The following PHACTR3 variants were observed in gnomAD, a reference collection of about 807,000 sequenced individuals.
PHACTR3 encodes the protein phosphatase and actin regulator 3, also known as protein phosphatase 1, regulatory subunit 123.
A neutral mutation model predicts 66.8 loss-of-function variants in PHACTR3; 16 were observed. The ratio of observed to expected loss-of-function variants is 0.24; its 90% confidence interval spans 0.16 to 0.36. PHACTR3 has a LOEUF of 0.36. PHACTR3 is among the 10% of genes least tolerant of loss of function. The pLI, the probability that PHACTR3 is intolerant of heterozygous loss-of-function variation, is 1.00. For missense variants in PHACTR3, 647 were observed against 719.9 expected, an observed-to-expected ratio of 0.90 and a Z score of 1.16; for synonymous variants, 323 against 292.1, an observed-to-expected ratio of 1.11 and a Z score of -1.08.
intron 1 of PHACTR3, among the ~76,000 whole-genome samples, chr20:59,692,420 G>T (rs554773702): frequency 6.6e-6 from 1 of 152,158 alleles, no homozygotes; most frequent in Non-Finnish European, 1.5e-5. Context: ...TTTGACTGTC[G>T]CTTGCCAGGG....
intron 8 of PHACTR3, among the ~76,000 whole-genome samples, chr20:59,825,794 G>A (rs1008712486): frequency 6.6e-6 from 1 of 152,164 alleles, no homozygotes; most frequent in Non-Finnish European, 1.5e-5. Context: ...GCTGTGGTCT[G>A]AATGTTTGTG....
At chr20:59,586,871 G>T (rs909738447) in intron 1 of PHACTR3, among the ~76,000 whole-genome samples, 2 of 152,184 alleles carry the variant, frequency 1.3e-5, no homozygotes, top group African/African-American at 4.8e-5. Flanking sequence ...ACGTGCCCAA[G>T]GTCACAGCTG....
At chr20:59,783,175 T>G (rs1316324796) in intron 7 of PHACTR3, among the ~76,000 whole-genome samples, 1 of 152,140 alleles carries the variant, frequency 6.6e-6, no homozygotes. Flanking sequence ...TGCCTTTTCT[T>G]GAAAGTTGGG....
intron 1 of PHACTR3, among the ~76,000 whole-genome samples, chr20:59,598,563 C>T (rs1311677549): frequency 1.3e-5 from 2 of 152,176 alleles, no homozygotes; most frequent in African/African-American, 4.8e-5. Context: ...ACTCTAGCTA[C>T]CAGTGCCTTT....
chr20:59,755,342 A>G lies in PHACTR3; in HGVS notation c.519A>G (p.Ser173=). Reference sequence around the variant, plus strand: ...TCTCCCTGGACAAGCCACTGTCCTCAGCTGCCCACTTGGACGATGCAGGTA... The same window carrying G: ...TCTCCCTGGACAAGCCACTGTCCTCGGCTGCCCACTTGGACGATGCAGGTA... The part of the protein sequence containing the change: ...DQVSLDKPLS[S]AAHLDDAAKM... Residue 173 remains serine (S), a synonymous_variant, in exon 4 of 13, where the codon TCA becomes TCG. Coordinates refer to ENST00000371015, the MANE Select transcript of PHACTR3 (RefSeq NM_080672.5). 7 of 1,613,650 alleles carry G rather than the reference A, an allele frequency of 4.3e-6. No individual in the cohort carries two copies. Among genetic ancestry groups the G allele is most frequent in the Non-Finnish European group, 5.9e-6 (7 of 1,179,992 alleles).
In PHACTR3 at chr20:59,820,415, C is replaced by G. The variant is rs376618634; in HGVS notation, c.1328+14221C>G. 3.9e-5 allele frequency among the ~76,000 whole-genome samples: 6 copies of G among 152,304 alleles called. No individual in the cohort carries two copies. In the South Asian group the frequency reaches 1.2e-3, roughly 32 times the overall value. On this transcript the variant is annotated intron_variant, in intron 8 of 12. Coordinates refer to ENST00000371015, the MANE Select transcript of PHACTR3 (RefSeq NM_080672.5). This position sits in a 1 kb window ranked among gnomAD's most constrained non-coding sequence, Gnocchi z 4.6. Reference sequence around the variant, plus strand: ...GTGGCTATCATGTATGGATCTTGTACGTTCTGCTTTTAGATGGAGGTAGCT... The same window carrying G: ...GTGGCTATCATGTATGGATCTTGTAGGTTCTGCTTTTAGATGGAGGTAGCT...
intron 8 of PHACTR3, among the ~76,000 whole-genome samples, chr20:59,825,567 A>AT (rs1421610223): frequency 2.0e-5 from 3 of 152,222 alleles, no homozygotes; most frequent in Non-Finnish European, 4.4e-5. Context: ...TACTCAAAAC[A>AT]TAAATAATCA....
intron 8 of PHACTR3, among the ~76,000 whole-genome samples, chr20:59,824,622 C>T (rs2042132834): frequency 6.6e-6 from 1 of 152,194 alleles, no homozygotes; most frequent in Non-Finnish European, 1.5e-5. Context: ...AATGAACATC[C>T]TCATACGTGT....
chr20:59,747,722 GC>G (rs1441959668), intron 2 of PHACTR3, 35 bp from the exon 3 acceptor site: 1 of 1,607,792 alleles, frequency 6.2e-7, no homozygotes, highest in Non-Finnish European at 8.5e-7. Flanking sequence ...TGACACCTTT[GC>G]CTGAGACTCA....
chr20:59,840,171 A>G (rs1259345049), intron 9 of PHACTR3, among the ~76,000 whole-genome samples, 198 bp from the exon 10 acceptor site: 1 of 152,182 alleles, frequency 6.6e-6, no homozygotes, highest in African/African-American at 2.4e-5. Flanking sequence ...TTTGCTTAGT[A>G]CAAGTATTTC....
chr20:59,725,079 G>A (rs140606182), intron 1 of PHACTR3, among the ~76,000 whole-genome samples: 11 of 151,978 alleles, frequency 7.2e-5, no homozygotes, highest in South Asian at 2.1e-4. Flanking sequence ...CAGGTGTGCT[G>A]TGTGCTCAGT....
intron 1 of PHACTR3, among the ~76,000 whole-genome samples, chr20:59,719,434 A>G (rs955087035): frequency 1.3e-5 from 2 of 152,148 alleles, no homozygotes; most frequent in African/African-American, 4.8e-5. Context: ...AAGTGTTGGG[A>G]TTATAGGCAT....
At chr20:59,808,913 C>A (rs189949480) in intron 8 of PHACTR3, among the ~76,000 whole-genome samples, 1 of 152,144 alleles carries the variant, frequency 6.6e-6, no homozygotes, top group South Asian at 2.1e-4. Flanking sequence ...GCATTCCTCC[C>A]GCCTTCCACT....
chr20:59,710,137 G>T (rs557817658), intron 1 of PHACTR3, among the ~76,000 whole-genome samples: 1 of 152,244 alleles, frequency 6.6e-6, no homozygotes, highest in South Asian at 2.1e-4. Flanking sequence ...TTTCTGGAAA[G>T]ATTTATTTAA....
chr20:59,823,501 A>T (rs78506905), intron 8 of PHACTR3, among the ~76,000 whole-genome samples: 8,179 of 152,240 alleles, frequency 0.054, 373 homozygotes, highest in African/African-American at 0.12. Flanking sequence ...ACAATTTTAA[A>T]CCATACAGAT....
chr20:59,723,090 CTTTCTT>C (rs1260089122), intron 1 of PHACTR3, among the ~76,000 whole-genome samples: 1 of 142,730 alleles, frequency 7.0e-6, no homozygotes, highest in East Asian at 2.0e-4. Flanking sequence ...TTCTTTCTTT[CTTTCTT>C]TCTTTCTTTC....
intron 11 of PHACTR3, 150 bp downstream of exon 11, chr20:59,841,685 G>A: frequency 1.1e-6 from 1 of 876,980 alleles, no homozygotes; most frequent in Middle Eastern, 3.4e-4. Context: ...GATAATTCAG[G>A]GTCAGATTGA....
chr20:59,841,332 C>T (rs1411951595), intron 10 of PHACTR3, 63 bp from the exon 11 acceptor site: 7 of 1,502,398 alleles, frequency 4.7e-6, no homozygotes, highest in Non-Finnish European at 6.3e-6. Flanking sequence ...GCTGTTTGTT[C>T]AGAGTACTTC....
chr20:59,722,248 C>T (rs1334854079), intron 1 of PHACTR3, among the ~76,000 whole-genome samples: 2 of 149,222 alleles, frequency 1.3e-5, no homozygotes, highest in Non-Finnish European at 3.0e-5. Flanking sequence ...AAAAGTAAAA[C>T]AAGGTGGCAC....
Sources: gnomAD v4.1 joint callset for allele counts (sites outside exome capture counted in the v4.1 genomes callset) on GRCh38, gnomAD v4.1.1 for gene constraint, Gnocchi (gnomAD v3.1) non-coding constraint, MANE v1.5 for transcripts, NCBI Gene and HGNC (gene_info 2026-07-23, HGNC 2026-07-21) for gene names.